UGGT2: variants seen among roughly 807,000 people sequenced by gnomAD.
UGGT2 encodes the protein UDP-glucose glycoprotein glucosyltransferase 2.
Under a neutral mutation model 192.1 loss-of-function variants are expected in UGGT2, and 180 were observed. The ratio of observed to expected loss-of-function variants is 0.94; its 90% CI spans 0.83 to 1.06. The LOEUF is 1.06. Among genes scored for constraint, UGGT2 ranks in the 50% least tolerant of loss-of-function variants. The pLI is 0.00. For missense variants in UGGT2, 1,849 were observed against 1,795.7 expected, an observed-to-expected ratio of 1.03 and a Z score of -0.54; for synonymous variants, 580 against 591.0, an observed-to-expected ratio of 0.98 and a Z score of 0.27.
At chr13:95,916,179 A>G (rs2048677126) in intron 20 of UGGT2, among the ~76,000 whole-genome samples, 1 of 152,194 alleles carries the variant, frequency 6.6e-6, no homozygotes, top group South Asian at 2.1e-4. Context: ...CCCCCCTAGG[A>G]CAGAGCTTCC....
At chr13:95,873,356 A>G (rs1891385477) in intron 29 of UGGT2, among the ~76,000 whole-genome samples, 2 of 152,190 alleles carry the variant, frequency 1.3e-5, no homozygotes, top group Admixed American at 1.3e-4. Context: ...TACTGGAATG[A>G]GTTTTGGGAG....
At chr13:95,944,104 G>C (rs1321903286) in intron 15 of UGGT2, among the ~76,000 whole-genome samples, 2 of 151,742 alleles carry the variant, frequency 1.3e-5, no homozygotes, top group Non-Finnish European at 2.9e-5. Context: ...ATCTCACCTT[G>C]TCATGATAAT....
At chr13:95,948,618 T>C (rs1252838861) in intron 13 of UGGT2, among the ~76,000 whole-genome samples, 1 of 152,240 alleles carries the variant, frequency 6.6e-6, no homozygotes, top group Non-Finnish European at 1.5e-5. Flanking sequence ...ATTATATGCA[T>C]AGATGATAAA....
chr13:95,952,310 A>C (rs1444637614), intron 12 of UGGT2, among the ~76,000 whole-genome samples: 1 of 152,134 alleles, frequency 6.6e-6, no homozygotes, highest in Non-Finnish European at 1.5e-5. Context: ...TGATACTGAT[A>C]AGATTTTGGC....
intron 12 of UGGT2, among the ~76,000 whole-genome samples, chr13:95,969,323 T>G (rs1205118414): frequency 6.6e-6 from 1 of 152,192 alleles, no homozygotes; most frequent in Non-Finnish European, 1.5e-5. Flanking sequence ...TTTCACATCA[T>G]TTTGCTCTAC....
At chr13:95,892,361 A>T (rs1048012172) in intron 24 of UGGT2, among the ~76,000 whole-genome samples, 1 of 152,140 alleles carries the variant, frequency 6.6e-6, no homozygotes, top group Non-Finnish European at 1.5e-5. Flanking sequence ...CTCATGCAAT[A>T]TTAACAACAA....
intron 38 of UGGT2, among the ~76,000 whole-genome samples, chr13:95,829,750 G>A (rs1168713681): frequency 6.6e-6 from 1 of 151,926 alleles, no homozygotes; most frequent in Non-Finnish European, 1.5e-5. Flanking sequence ...ACTGCCCAAG[G>A]TAATTCATAG....
At chr13:96,031,826 T>A in intron 2 of UGGT2, 63 bp downstream of exon 2, 1 of 1,261,742 alleles carries the variant, frequency 7.9e-7, no homozygotes. Flanking sequence ...TAAAAAATAA[T>A]AAACATTACA....
chr13:95,822,140 G>A (rs866713149), intron 38 of UGGT2, among the ~76,000 whole-genome samples: 3 of 152,052 alleles, frequency 2.0e-5, no homozygotes, highest in Non-Finnish European at 2.9e-5. Flanking sequence ...TGAATCTGTA[G>A]GTTGCATTGG....
chr13:95,860,812 C>G lies in UGGT2; in HGVS notation c.3716G>C (p.Gly1239Ala). The G allele has an allele frequency of 6.4e-7, 1 of 1,551,334 alleles. No homozygotes were observed. Among genetic ancestry groups the G allele is most frequent in the Admixed American group, 1.9e-5 (1 of 53,680 alleles). Residue 1239 changes from glycine to alanine, a missense_variant, in exon 32 of 39, where the codon GGT (glycine) becomes GCT (alanine). Coordinates refer to ENST00000376747, the MANE Select transcript of UGGT2 (RefSeq NM_020121.4). The stretch of plus-strand genomic sequence containing the variant: ...CCTTAAAAAACGTTCATATAAATGA[C>G]CAGAAGCAACTGAAAAAATGTTTAG... Reference protein sequence around the residue: ...DVLNIFSVASGHLYERFLRIM... With the variant: ...DVLNIFSVASAHLYERFLRIM...
chr13:95,885,106 GA>G (rs1566636430), intron 26 of UGGT2, among the ~76,000 whole-genome samples: 2 of 152,162 alleles, frequency 1.3e-5, no homozygotes, highest in Non-Finnish European at 2.9e-5. Flanking sequence ...AATTCAAGCT[GA>G]AATTCTAGTA....
At position 95,810,362 on chromosome 13, in the gene UGGT2, C is replaced by G. The variant is rs186235074; in HGVS notation, c.4529-8550G>C. 4.6e-5 allele frequency among the ~76,000 whole-genome samples: 7 copies of G among 152,306 alleles called. No homozygotes were observed. The East Asian group carries it at 1.3e-3, about 29-fold the overall frequency. ...GGTGGCTACGATATTATTACAGTAG[C>G]ATAGTATATACTACAGTTAATTTTA... On this transcript the variant is annotated intron_variant, in intron 38 of 38. Coordinates refer to ENST00000376747, the MANE Select transcript of UGGT2 (RefSeq NM_020121.4).
chr13:95,842,039 C>A (rs557219803), intron 36 of UGGT2, among the ~76,000 whole-genome samples: 1 of 152,228 alleles, frequency 6.6e-6, no homozygotes, highest in South Asian at 2.1e-4. Flanking sequence ...TTCTAGTGAC[C>A]AATATGTGTA....
At position 95,957,542 on chromosome 13, in the gene UGGT2, A is replaced by C. The variant is rs117366079; in HGVS notation, c.1336-8088T>G. On this transcript the variant is annotated intron_variant, in intron 12 of 38. Transcript: ENST00000376747. ...AAGGGAGGCACACCGTCTGAGACTGATATCTGAAAGCTTGCCAGAATCTGA... is the reference window on the plus strand; with the variant it reads ...AAGGGAGGCACACCGTCTGAGACTGCTATCTGAAAGCTTGCCAGAATCTGA... Among the ~76,000 whole-genome samples the C allele has an allele frequency of 5.2e-3, 793 of 152,308 alleles. 5 individuals are homozygous for C. Among genetic ancestry groups the C allele is most frequent in the Middle Eastern group, 0.024 (7 of 294 alleles).
At chr13:95,961,722 T>C (rs1271177672) in intron 12 of UGGT2, among the ~76,000 whole-genome samples, 1 of 152,152 alleles carries the variant, frequency 6.6e-6, no homozygotes, top group Non-Finnish European at 1.5e-5. Flanking sequence ...ATTTAAAATG[T>C]ACATTTGATG....
chr13:96,011,919 G>A (rs1276593249), intron 5 of UGGT2, among the ~76,000 whole-genome samples: 2 of 151,948 alleles, frequency 1.3e-5, no homozygotes, highest in African/African-American at 2.4e-5. Context: ...ATTCATTCCC[G>A]TATGAAATCC....
chr13:95,802,050 CTA>C (rs1217609576), intron 38 of UGGT2, among the ~76,000 whole-genome samples: 2 of 152,106 alleles, frequency 1.3e-5, no homozygotes, highest in African/African-American at 4.8e-5. Context: ...TCCCATGAGT[CTA>C]TGAGGACAAG....
intron 12 of UGGT2, among the ~76,000 whole-genome samples, chr13:95,949,693 T>G (rs1382345195): frequency 6.6e-6 from 1 of 152,194 alleles, no homozygotes; most frequent in Non-Finnish European, 1.5e-5. Context: ...TCACTTGTGT[T>G]TGTTTTTCAT....
At chr13:95,905,961 G>C (rs950863172) in intron 20 of UGGT2, among the ~76,000 whole-genome samples, 1 of 152,142 alleles carries the variant, frequency 6.6e-6, no homozygotes, top group Non-Finnish European at 1.5e-5. Flanking sequence ...TATAAATCAA[G>C]TGTTAATATA....
Sources: allele counts gnomAD v4.1 joint callset (sites outside exome capture counted in the v4.1 genomes callset), GRCh38; gene constraint gnomAD v4.1.1; transcripts MANE v1.5; gene names NCBI Gene and HGNC (gene_info 2026-07-23, HGNC 2026-07-21).